NDRG3: variants seen among roughly 807,000 people sequenced by gnomAD.
The protein encoded by NDRG3 is NDRG family member 3.
In NDRG3, 23 loss-of-function variants were observed where a neutral mutation model predicts 57.2. The observed-to-expected ratio is 0.40, with a 90% CI of 0.29 to 0.57. The LOEUF (loss-of-function observed/expected upper bound fraction) is 0.57, where lower values mean the gene tolerates loss of function less well. NDRG3 is among the 20% of genes least tolerant of loss of function. NDRG3 has a pLI of 0.42. For synonymous variants in NDRG3, 132 were observed against 162.6 expected (o/e 0.81, Z 1.43); for missense variants, 384 against 457.3 (o/e 0.84, Z 1.46).
intron 1 of NDRG3, among the ~76,000 whole-genome samples, chr20:36,733,179 TATATA>T (rs1226871515): frequency 2.2e-5 from 1 of 45,854 alleles, no homozygotes; most frequent in Non-Finnish European, 4.5e-5. Flanking sequence ...AAAATATATA[TATATA>T]TATATATATA....
chr20:36,697,282 G>A (rs1012887728), intron 3 of NDRG3, among the ~76,000 whole-genome samples: 7 of 152,096 alleles, frequency 4.6e-5, no homozygotes, highest in African/African-American at 1.4e-4. Context: ...AAACCTGGCC[G>A]CATTTACACA....
chr20:36,712,005 T>A (rs1983911948), intron 2 of NDRG3, among the ~76,000 whole-genome samples: 1 of 152,202 alleles, frequency 6.6e-6, no homozygotes, highest in East Asian at 1.9e-4. Flanking sequence ...GGTCTCGATC[T>A]CCTGACCTCG....
In NDRG3 at chr20:36,675,282, A is replaced by G. The variant is rs1308190380; in HGVS notation, c.532-3885T>C. 2.7e-5 allele frequency among the ~76,000 whole-genome samples: 4 copies of G among 148,936 alleles called. No individual in the cohort carries two copies. The Admixed American group carries it at 2.7e-4, about 10-fold the overall frequency. The stretch of plus-strand genomic sequence containing the variant: ...GCCACGTTGGCCAGGGTGGTCTTGA[A>G]CTCCTGACCTCAGGTGATCCATCTG... On this transcript the variant is annotated intron_variant, in intron 8 of 15. Coordinates refer to ENST00000349004, the MANE Select transcript of NDRG3 (RefSeq NM_032013.4).
chr20:36,716,777 C>T (rs775798057), intron 2 of NDRG3, among the ~76,000 whole-genome samples: 18 of 152,140 alleles, frequency 1.2e-4, no homozygotes, highest in Non-Finnish European at 2.6e-4. Flanking sequence ...ACAGTCTACT[C>T]TCCTGTTTAT....
At chr20:36,686,868 A>T (rs1284418530) in intron 5 of NDRG3, among the ~76,000 whole-genome samples, 1 of 152,078 alleles carries the variant, frequency 6.6e-6, no homozygotes, top group African/African-American at 2.4e-5. Context: ...CACAAAAATG[A>T]CAGGTTTTTT....
chr20:36,667,684 G>A (rs1000885070), intron 9 of NDRG3, among the ~76,000 whole-genome samples: 2 of 152,126 alleles, frequency 1.3e-5, no homozygotes, highest in African/African-American at 4.8e-5. Flanking sequence ...AATTGCATTG[G>A]AGGAAAGAAA....
chr20:36,682,697 AT>A lies in NDRG3; in HGVS notation c.384-120del, dbSNP rs1751513748. 18 of 807,268 alleles carry A rather than the reference AT, an allele frequency of 2.2e-5. No individual in the cohort carries two copies. The South Asian group carries it at 2.9e-4, about 13-fold the overall frequency. The allele number at this position is 807,268 out of a possible 1,614,324, so 50.0% of individuals were successfully genotyped here. A position where few individuals can be genotyped will look rare whatever the true frequency, so the allele number is the denominator to read the frequency against. ...GCTCTGATATTTATTAGATGTGAGA[AT>A]TTGGGCAAGTGTTTTTTTTCTTTCC... is the stretch of plus-strand genomic sequence containing the variant. On this transcript the variant is annotated intron_variant, in intron 6 of 15. Transcript: ENST00000349004.
intron 1 of NDRG3, among the ~76,000 whole-genome samples, chr20:36,741,222 T>G (rs576209981): frequency 6.6e-6 from 1 of 152,306 alleles, no homozygotes; most frequent in East Asian, 1.9e-4. Flanking sequence ...ACTAAGCGCC[T>G]ATTATCAGCC....
At position 36,672,081 on chromosome 20, in the gene NDRG3, C is replaced by T. The variant is rs113093258; in HGVS notation, c.532-684G>A. On this transcript the variant is annotated intron_variant, in intron 8 of 15. Coordinates refer to ENST00000349004, the MANE Select transcript of NDRG3 (RefSeq NM_032013.4). ...ATAAGGACTAACTTAACAATCACTC[C>T]CATGACTTCCAAGAGACAAAAACAA... Among the ~76,000 whole-genome samples the T allele has an allele frequency of 4.6e-3, 694 of 152,260 alleles. 5 individuals are homozygous for T. Among genetic ancestry groups the T allele is most frequent in the Non-Finnish European group, 7.2e-3 (487 of 68,012 alleles).
chr20:36,711,746 C>T (rs1019145124), intron 2 of NDRG3, among the ~76,000 whole-genome samples: 4 of 152,188 alleles, frequency 2.6e-5, no homozygotes, highest in African/African-American at 9.6e-5. Context: ...ATAAAAGGTA[C>T]CAATAACTGA....
chr20:36,678,359 C>T (rs1386982820), intron 8 of NDRG3, among the ~76,000 whole-genome samples: 6 of 152,184 alleles, frequency 3.9e-5, no homozygotes, highest in African/African-American at 1.4e-4. Flanking sequence ...AGATGCTTGA[C>T]ATCACTGCCC....
intron 1 of NDRG3, among the ~76,000 whole-genome samples, chr20:36,724,470 G>GT (rs142505948): frequency 0.024 from 3,667 of 152,154 alleles, 138 homozygotes; most frequent in African/African-American, 0.083. Context: ...TAAACAGTGA[G>GT]TTTCAGCCAG....
chr20:36,672,657 T>A (rs1346073427), intron 8 of NDRG3, among the ~76,000 whole-genome samples: 1 of 152,062 alleles, frequency 6.6e-6, no homozygotes, highest in Non-Finnish European at 1.5e-5. Context: ...GGTGAAACCC[T>A]GTCTCTACTA....
At chr20:36,717,651 G>A (rs1984352424) in intron 2 of NDRG3, among the ~76,000 whole-genome samples, 1 of 148,214 alleles carries the variant, frequency 6.7e-6, no homozygotes, top group African/African-American at 2.7e-5. Flanking sequence ...GGGATATTCT[G>A]AGAGAGAGAA....
chr20:36,677,448 T>C (rs139298693), intron 8 of NDRG3, among the ~76,000 whole-genome samples: 162 of 152,182 alleles, frequency 1.1e-3, no homozygotes, highest in Non-Finnish European at 1.9e-3. Context: ...CAGCATGCAC[T>C]TCCTCCCTTC....
chr20:36,708,662 A>G lies in NDRG3; in HGVS notation c.58-1655T>C, dbSNP rs8114739. 6.2e-3 allele frequency among the ~76,000 whole-genome samples: 931 copies of G among 150,830 alleles called. 8 individuals are homozygous for G. Among genetic ancestry groups the G allele is most frequent in the African/African-American group, 0.021 (865 of 40,480 alleles). Reference sequence around the variant, plus strand: ...GACTCCGTCTCAAAAAAAAAAAAAAAAAAAGAAAAAGAAAAAAAGAAATAG... The same window carrying G: ...GACTCCGTCTCAAAAAAAAAAAAAAGAAAAGAAAAAGAAAAAAAGAAATAG... On this transcript the variant is annotated intron_variant, in intron 2 of 15. Transcript: ENST00000349004.
At chr20:36,700,022 G>A (rs549629683) in intron 3 of NDRG3, among the ~76,000 whole-genome samples, 2 of 150,520 alleles carry the variant, frequency 1.3e-5, no homozygotes, top group East Asian at 2.0e-4. Context: ...CAGGAGGGAG[G>A]AGAATTGCTT....
At chr20:36,676,255 A>T (rs2148074413) in intron 8 of NDRG3, among the ~76,000 whole-genome samples, 1 of 152,264 alleles carries the variant, frequency 6.6e-6, no homozygotes, top group East Asian at 1.9e-4. Flanking sequence ...AAATAAATAC[A>T]TACATAAATA....
At position 36,682,527 on chromosome 20, in the gene NDRG3, G is replaced by C; in HGVS notation, c.435C>G (p.Ser145Arg). 6.2e-7 allele frequency: 1 copy of C among 1,613,822 alleles called. No homozygotes were observed. Among genetic ancestry groups the C allele is most frequent in the Non-Finnish European group, 8.5e-7 (1 of 1,179,762 alleles). The change falls in exon 7 of 16, where the codon AGC becomes AGG. Residue 145 changes from serine (S) to arginine (R), a missense_variant. Ser to Arg is a moderately radical substitution (Grantham distance 110, BLOSUM62 -1). Transcript: ENST00000349004. ...TCCTCTACATACTTACTGCAAATCT[G>C]CTGAGGATGTAAGCTCCAGCTCCAA... ...IGVGAGAYIL[S>R]RFALNHPELV...
Sources: allele counts gnomAD v4.1 joint callset (sites outside exome capture counted in the v4.1 genomes callset), GRCh38; gene constraint gnomAD v4.1.1; transcripts MANE v1.5; gene names NCBI Gene and HGNC (gene_info 2026-07-23, HGNC 2026-07-21).